The following ASTN2 variants were observed in gnomAD, a reference collection of about 807,000 sequenced individuals.
ASTN2 encodes astrotactin-2.
ASTN2 carries 54 observed loss-of-function variants against 139.8 expected under a neutral mutation model. The observed-to-expected ratio is 0.39, with a 90% CI of 0.31 to 0.48. The LOEUF (loss-of-function observed/expected upper bound fraction) is 0.48, where lower values mean the gene tolerates loss of function less well. Among genes scored for constraint, ASTN2 ranks in the 20% least tolerant of loss-of-function variants. The probability of loss-of-function intolerance (pLI) is 0.95; values close to 1 mark genes in which losing one functional copy is unlikely to be tolerated. For missense variants in ASTN2, 1,565 were observed against 1,725.1 expected (o/e 0.91, Z 1.64); for synonymous variants, 756 against 719.5 (o/e 1.05, Z -0.81).
intron 2 of ASTN2, among the ~76,000 whole-genome samples, chr9:117,220,995 C>T (rs903571776): frequency 6.6e-5 from 10 of 152,140 alleles, no homozygotes; most frequent in African/African-American, 2.4e-4. Context: ...TCTTGAGTTG[C>T]CATTTACCTC....
Position 117,078,284 on chromosome 9 carries a change from T to G in ASTN2, c.1276+17760A>C, listed in dbSNP as rs576272282. 5.3e-5 allele frequency among the ~76,000 whole-genome samples: 8 copies of G among 152,270 alleles called. No individual in the cohort carries two copies. The South Asian group carries it at 1.7e-3, about 32-fold the overall frequency. On this transcript the variant is annotated intron_variant, in intron 5 of 22. Coordinates refer to ENST00000313400, the MANE Select transcript of ASTN2 (RefSeq NM_001365068.1). ...AAAATTTTAAAAAATAAGTTGTTAT[T>G]TTTTGAGTGCCCATTATGTTTTCTC...
At chr9:116,648,439 TGTTA>T (rs1401074004) in intron 17 of ASTN2, among the ~76,000 whole-genome samples, 4 of 152,086 alleles carry the variant, frequency 2.6e-5, no homozygotes, top group Non-Finnish European at 4.4e-5. Flanking sequence ...GGCCTGTTCT[TGTTA>T]TTTATTGGAA....
At chr9:116,498,786 T>A (rs1849756898) in intron 19 of ASTN2, among the ~76,000 whole-genome samples, 2 of 152,206 alleles carry the variant, frequency 1.3e-5, no homozygotes, top group African/African-American at 4.8e-5. Flanking sequence ...CATATGCCAA[T>A]GTTCAGCTCC....
intron 19 of ASTN2, among the ~76,000 whole-genome samples, chr9:116,509,366 C>T (rs2119176550): frequency 6.6e-6 from 1 of 152,270 alleles, no homozygotes; most frequent in South Asian, 2.1e-4. Context: ...GCATAATATT[C>T]CATGGTGTAT....
intron 4 of ASTN2, among the ~76,000 whole-genome samples, chr9:117,112,206 C>T (rs1829268301): frequency 6.6e-6 from 1 of 151,110 alleles, no homozygotes; most frequent in Non-Finnish European, 1.5e-5. Context: ...GCTTTCTCCC[C>T]ATAAATTTAA....
intron 19 of ASTN2, among the ~76,000 whole-genome samples, chr9:116,528,857 G>T (rs536353157): frequency 6.6e-5 from 10 of 152,322 alleles, no homozygotes; most frequent in African/African-American, 1.2e-4. Context: ...TCCACATGAT[G>T]TTGGGCCTGT....
chr9:117,159,709 C>T (rs1830506477), intron 3 of ASTN2, among the ~76,000 whole-genome samples: 1 of 151,974 alleles, frequency 6.6e-6, no homozygotes, highest in Admixed American at 6.6e-5. Flanking sequence ...TACCATTTGA[C>T]AGATAAAGAA....
At chr9:116,900,992 G>T (rs1255147838) in intron 10 of ASTN2, among the ~76,000 whole-genome samples, 1 of 152,058 alleles carries the variant, frequency 6.6e-6, no homozygotes, top group Non-Finnish European at 1.5e-5. Flanking sequence ...AATGAAGAAA[G>T]AAATGTGAAA....
intron 5 of ASTN2, among the ~76,000 whole-genome samples, chr9:117,044,576 A>C (rs190315239): frequency 6.6e-6 from 1 of 152,162 alleles, no homozygotes; most frequent in Non-Finnish European, 1.5e-5. Context: ...GGTGGAAACT[A>C]TCTCTCCCAT....
At chr9:116,836,123 C>T (rs1831982214) in intron 11 of ASTN2, among the ~76,000 whole-genome samples, 1 of 152,276 alleles carries the variant, frequency 6.6e-6, no homozygotes, top group Non-Finnish European at 1.5e-5. Flanking sequence ...TTCACCTCCC[C>T]ACTAGGACTT....
chr9:116,467,966 G>A (rs1323037190), intron 20 of ASTN2, among the ~76,000 whole-genome samples: 3 of 152,234 alleles, frequency 2.0e-5, no homozygotes, highest in South Asian at 4.2e-4. Flanking sequence ...ACACAACGTT[G>A]GCTAGGTCTC....
In ASTN2 at chr9:116,725,888, T is replaced by G. The variant is rs1828607549; in HGVS notation, c.2689A>C (p.Ile897Leu). ...ATGTAGTGGGAGCCATAGTGCTGGA[T>G]GAAGGACAGCAGCTCCTCCCGACTG... ...ESSREELLSF[I>L]QHYGSHYIAE... Residue 897 changes from isoleucine to leucine, a missense_variant, in exon 16 of 23, where the codon ATC becomes CTC. Coordinates refer to ENST00000313400, the MANE Select transcript of ASTN2 (RefSeq NM_001365068.1). 1 of 1,613,924 alleles carries G rather than the reference T, an allele frequency of 6.2e-7. No homozygotes were observed. The highest frequency in any genetic ancestry group is 1.7e-5 in the Admixed American group (1 of 59,996).
At chr9:116,942,610 A>C (rs1009716839) in intron 10 of ASTN2, among the ~76,000 whole-genome samples, 1 of 152,222 alleles carries the variant, frequency 6.6e-6, no homozygotes, top group Admixed American at 6.5e-5. Context: ...TTTGCTGCTC[A>C]TGTGCATGTG....
intron 13 of ASTN2, among the ~76,000 whole-genome samples, chr9:116,773,956 G>A (rs1044327081): frequency 7.2e-5 from 11 of 152,152 alleles, no homozygotes; most frequent in African/African-American, 2.7e-4. Context: ...AGAGGTTACT[G>A]TCTTCTCTTA....
chr9:116,832,787 G>A (rs1213126054), intron 11 of ASTN2, among the ~76,000 whole-genome samples: 1 of 151,850 alleles, frequency 6.6e-6, no homozygotes, highest in Non-Finnish European at 1.5e-5. Context: ...TTACAACTGT[G>A]GTATATGCAT....
chr9:116,729,316 C>T lies in ASTN2; in HGVS notation c.2522-220G>A, dbSNP rs1426102682. Among the ~76,000 whole-genome samples, 4 of 152,168 alleles carry T rather than the reference C, an allele frequency of 2.6e-5. No individual in the cohort carries two copies. The East Asian group carries it at 7.7e-4, about 29-fold the overall frequency. On this transcript the variant is annotated intron_variant, in intron 14 of 22. Coordinates refer to ENST00000313400, the MANE Select transcript of ASTN2 (RefSeq NM_001365068.1). Reference sequence around the variant, plus strand: ...CTCTCTGCTCTATAGCTTGCAAGTCCCCTTTACCCTACAAGCAAGAGCAAC... The same window carrying T: ...CTCTCTGCTCTATAGCTTGCAAGTCTCCTTTACCCTACAAGCAAGAGCAAC...
intron 1 of ASTN2, among the ~76,000 whole-genome samples, chr9:117,292,024 G>A (rs1216064879): frequency 1.3e-5 from 2 of 152,150 alleles, no homozygotes; most frequent in South Asian, 2.1e-4. Context: ...TGGGAAAGGA[G>A]CTTGCCAAGA....
intron 3 of ASTN2, among the ~76,000 whole-genome samples, chr9:117,213,234 T>C (rs1435814657): frequency 1.3e-5 from 2 of 152,134 alleles, no homozygotes; most frequent in Non-Finnish European, 2.9e-5. Flanking sequence ...TGAAAATAAT[T>C]GACCTCATAG....
At chr9:116,797,830 G>A (rs1830741445) in intron 13 of ASTN2, among the ~76,000 whole-genome samples, 1 of 152,194 alleles carries the variant, frequency 6.6e-6, no homozygotes, top group African/African-American at 2.4e-5. Flanking sequence ...CAGTGTCAGG[G>A]TTGGATGCCA....
Sources: gnomAD v4.1 joint callset for allele counts (sites outside exome capture counted in the v4.1 genomes callset) on GRCh38, gnomAD v4.1.1 for gene constraint, MANE v1.5 for transcripts, NCBI Gene and HGNC (gene_info 2026-07-23, HGNC 2026-07-21) for gene names.